PARD3B: variants seen among roughly 807,000 people sequenced by gnomAD.
PARD3B encodes the protein partitioning defective 3 homolog B.
Under a neutral mutation model 130.2 loss-of-function variants are expected in PARD3B, and 103 were observed. The ratio of observed to expected loss-of-function variants is 0.79; its 90% CI spans 0.67 to 0.93. The LOEUF is 0.93. Among genes scored for constraint, PARD3B ranks in the 40% least tolerant of loss-of-function variants. The pLI is 0.00. For missense variants in PARD3B, 1,609 were observed against 1,499.2 expected (o/e 1.07, Z -1.21); for synonymous variants, 583 against 553.2 (o/e 1.05, Z -0.76).
At chr2:204,652,996 C>G (rs1274930656) in intron 1 of PARD3B, among the ~76,000 whole-genome samples, 2 of 151,038 alleles carry the variant, frequency 1.3e-5, no homozygotes, top group Non-Finnish European at 2.9e-5. Context: ...CACCAGGCCC[C>G]TCTCCCGACA....
intron 2 of PARD3B, among the ~76,000 whole-genome samples, chr2:204,716,494 A>G (rs145695045): frequency 6.6e-6 from 1 of 152,132 alleles, no homozygotes; most frequent in African/African-American, 2.4e-5. Flanking sequence ...CAATGAGAAC[A>G]TGGATCTTTG....
chr2:205,123,747 GA>G (rs2031047981), intron 8 of PARD3B, among the ~76,000 whole-genome samples: 1 of 151,254 alleles, frequency 6.6e-6, no homozygotes, highest in Admixed American at 6.6e-5. Flanking sequence ...GAAGCTTGAA[GA>G]AGCAGTAAGA....
chr2:204,597,480 A>T (rs1188503713), intron 1 of PARD3B, among the ~76,000 whole-genome samples: 1 of 152,210 alleles, frequency 6.6e-6, no homozygotes, highest in Non-Finnish European at 1.5e-5. Flanking sequence ...AGCCTAGAAT[A>T]TGGAGAAAAG....
intron 2 of PARD3B, among the ~76,000 whole-genome samples, chr2:204,857,773 C>G (rs951799727): frequency 6.6e-6 from 1 of 152,012 alleles, no homozygotes; most frequent in African/African-American, 2.4e-5. Flanking sequence ...GTGACATCCT[C>G]GATTTTATAG....
At chr2:205,077,991 T>A (rs1701180210) in intron 4 of PARD3B, among the ~76,000 whole-genome samples, 2 of 152,216 alleles carry the variant, frequency 1.3e-5, no homozygotes, top group South Asian at 4.1e-4. Context: ...TGTCACAAAT[T>A]AAACTTACCT....
At chr2:205,190,912 A>AAG (rs1002128874) in intron 14 of PARD3B, among the ~76,000 whole-genome samples, 1 of 152,080 alleles carries the variant, frequency 6.6e-6, no homozygotes, top group African/African-American at 2.4e-5. Context: ...GAAAAAATGA[A>AAG]AGTATTGCTA....
At chr2:205,159,504 G>T (rs2034382020) in intron 11 of PARD3B, among the ~76,000 whole-genome samples, 1 of 152,192 alleles carries the variant, frequency 6.6e-6, no homozygotes, top group South Asian at 2.1e-4. Flanking sequence ...TTAGCTAGAT[G>T]GCCGGTGTTC....
intron 3 of PARD3B, among the ~76,000 whole-genome samples, chr2:205,043,150 C>T (rs1395876426): frequency 1.3e-5 from 2 of 151,800 alleles, no homozygotes; most frequent in African/African-American, 2.4e-5. Context: ...AGTTTTGATT[C>T]GTATTGTAAG....
intron 2 of PARD3B, among the ~76,000 whole-genome samples, chr2:204,734,897 G>A (rs2039679474): frequency 6.6e-6 from 1 of 152,000 alleles, no homozygotes; most frequent in Admixed American, 6.6e-5. Context: ...ACTCAAATTA[G>A]TCCTCAGTAT....
rs35260590 is a variant in PARD3B at position 205,203,378 on chromosome 2, C to CT, written c.2140+10068dup. Among the ~76,000 whole-genome samples the CT allele has an allele frequency of 4.7e-3, 647 of 137,738 alleles. 5 individuals are homozygous for CT. The highest frequency in any genetic ancestry group is 0.014 in the African/African-American group (533 of 37,352). 90.4% of individuals were successfully genotyped at this position (137,738 alleles called of 152,430 possible). The stretch of plus-strand genomic sequence containing the variant: ...AGGCTCTGTATCTAGGATTCTAAGC[C>CT]TTTTTTTTTTCACTTTTTATTTTTT... On this transcript the variant is annotated intron_variant, in intron 15 of 22. Transcript: ENST00000406610.
At chr2:205,417,746 C>T (rs969527514) in intron 19 of PARD3B, among the ~76,000 whole-genome samples, 1 of 152,186 alleles carries the variant, frequency 6.6e-6, no homozygotes, top group Admixed American at 6.5e-5. Flanking sequence ...TCAATCCAGC[C>T]CCCTTAACCT....
chr2:204,812,008 A>G (rs1355279816), intron 2 of PARD3B, among the ~76,000 whole-genome samples: 2 of 152,028 alleles, frequency 1.3e-5, no homozygotes, highest in Non-Finnish European at 2.9e-5. Flanking sequence ...ATTTTTCTGA[A>G]TGTTTCTGTG....
intron 2 of PARD3B, among the ~76,000 whole-genome samples, chr2:204,735,679 T>G (rs1187315245): frequency 2.0e-5 from 3 of 152,026 alleles, no homozygotes; most frequent in Non-Finnish European, 2.9e-5. Context: ...AGTGGAAAAA[T>G]TTTAAAATAT....
intron 18 of PARD3B, among the ~76,000 whole-genome samples, chr2:205,377,280 A>T (rs79951175): frequency 5.9e-5 from 9 of 152,142 alleles, no homozygotes; most frequent in Admixed American, 2.6e-4. Context: ...TCACCTGAAC[A>T]AGGTTTCACC....
intron 14 of PARD3B, among the ~76,000 whole-genome samples, chr2:205,191,137 T>C (rs2036377805): frequency 1.3e-5 from 2 of 151,250 alleles, no homozygotes; most frequent in South Asian, 4.2e-4. Context: ...TGAGAAATTT[T>C]TATGAAAACA....
At chr2:204,765,391 G>A (rs2041101870) in intron 2 of PARD3B, among the ~76,000 whole-genome samples, 1 of 152,156 alleles carries the variant, frequency 6.6e-6, no homozygotes, top group East Asian at 1.9e-4. Context: ...CTTGCTGCAA[G>A]AAGATCAGTG....
At chr2:204,915,949 G>A (rs1473384012) in intron 2 of PARD3B, among the ~76,000 whole-genome samples, 3 of 152,182 alleles carry the variant, frequency 2.0e-5, no homozygotes, top group Non-Finnish European at 2.9e-5. Context: ...AGGTTGAGTC[G>A]AAGGCCCATG....
At position 205,121,736 on chromosome 2, in the gene PARD3B, G is replaced by A. The variant is rs761545852; in HGVS notation, c.952G>A (p.Val318Met). The change falls in exon 8 of 23, where the codon GTG (valine) becomes ATG (methionine). Residue 318 changes from valine (V) to methionine (M), a missense_variant. Transcript: ENST00000406610. The surrounding 1 kb of genome is among the most constrained non-coding windows in gnomAD (Gnocchi z 5.0). Reference protein sequence around the residue: ...GNNDGVLKTKVPPPVHGKSGL... With the variant: ...GNNDGVLKTKMPPPVHGKSGL... ...TAATGATGGCGTTTTGAAAACCAAA[G>A]TGCCGCCTCCTGTCCATGGAAAATC... is the stretch of plus-strand genomic sequence containing the variant. 6 of 1,614,078 alleles carry A rather than the reference G, an allele frequency of 3.7e-6. No homozygotes were observed. The South Asian group carries it at 6.6e-5, about 18-fold the overall frequency.
intron 15 of PARD3B, among the ~76,000 whole-genome samples, chr2:205,245,452 A>G (rs2039530706): frequency 2.0e-5 from 3 of 152,216 alleles, no homozygotes; most frequent in Admixed American, 6.5e-5. Context: ...TATATTGTAT[A>G]CATCCCTGGG....
Sources: gnomAD v4.1 joint callset for allele counts (sites outside exome capture counted in the v4.1 genomes callset) on GRCh38, gnomAD v4.1.1 for gene constraint, Gnocchi (gnomAD v3.1) non-coding constraint, MANE v1.5 for transcripts, NCBI Gene and HGNC (gene_info 2026-07-23, HGNC 2026-07-21) for gene names.